Variants in FHIT observed in about 807,000 individuals in gnomAD.
FHIT encodes the protein bis(5'-adenosyl)-triphosphatase.
FHIT carries 19 observed loss-of-function variants against 17.9 expected under a neutral mutation model. The ratio of observed to expected loss-of-function variants is 1.06; its 90% confidence interval spans 0.74 to 1.56. FHIT has a LOEUF of 1.56. Among genes scored for constraint, FHIT ranks in the 40% most tolerant of loss-of-function variants. FHIT has a pLI of 0.00. For missense variants in FHIT, 248 were observed against 189.2 expected (o/e 1.31, Z -1.82); for synonymous variants, 81 against 69.7 (o/e 1.16, Z -0.81).
intron 5 of FHIT, among the ~76,000 whole-genome samples, chr3:60,457,663 A>C (rs2032192138): frequency 6.6e-6 from 1 of 151,948 alleles, no homozygotes; most frequent in East Asian, 1.9e-4. Flanking sequence ...AATGGGAGAA[A>C]ATTTTTGCAA....
chr3:60,169,329 G>C (rs994137479), intron 5 of FHIT, among the ~76,000 whole-genome samples: 2 of 152,016 alleles, frequency 1.3e-5, no homozygotes, highest in East Asian at 3.9e-4. Flanking sequence ...TGGTTATTCC[G>C]GGCTCCACAA....
intron 2 of FHIT, among the ~76,000 whole-genome samples, chr3:61,149,691 A>C (rs1469293381): frequency 6.6e-6 from 1 of 151,712 alleles, no homozygotes; most frequent in Non-Finnish European, 1.5e-5. Context: ...CAGCCTCAGC[A>C]ACATAGTGAG....
chr3:60,960,481 G>T (rs1310679421), intron 3 of FHIT, among the ~76,000 whole-genome samples: 1 of 152,158 alleles, frequency 6.6e-6, no homozygotes, highest in Non-Finnish European at 1.5e-5. Context: ...GTGCAGGTTT[G>T]TTACATATGT....
intron 5 of FHIT, among the ~76,000 whole-genome samples, chr3:60,419,099 G>A (rs976249765): frequency 6.6e-6 from 1 of 152,168 alleles, no homozygotes; most frequent in Admixed American, 6.5e-5. Flanking sequence ...TTTGGAACAT[G>A]TGCCGTGCAG....
intron 5 of FHIT, among the ~76,000 whole-genome samples, chr3:60,289,409 G>A (rs527450581): frequency 6.6e-6 from 1 of 152,238 alleles, no homozygotes; most frequent in Admixed American, 6.5e-5. Context: ...TATAGCTCCA[G>A]AAAATATCCA....
intron 3 of FHIT, among the ~76,000 whole-genome samples, chr3:60,925,190 A>G (rs1707520831): frequency 6.6e-6 from 1 of 152,196 alleles, no homozygotes; most frequent in Non-Finnish European, 1.5e-5. Context: ...CAACATTCAA[A>G]TTCAGGAAAT....
chr3:60,575,954 G>A (rs1553657458), intron 4 of FHIT, among the ~76,000 whole-genome samples: 1 of 152,102 alleles, frequency 6.6e-6, no homozygotes, highest in African/African-American at 2.4e-5. Flanking sequence ...GATGACTGGT[G>A]GGAGATGTAG....
chr3:60,069,253 G>A (rs1218335179), intron 5 of FHIT, among the ~76,000 whole-genome samples: 2 of 150,712 alleles, frequency 1.3e-5, no homozygotes, highest in East Asian at 3.9e-4. Flanking sequence ...ATTGTAATTT[G>A]AACTACTTTT....
chr3:60,338,977 G>T (rs891961329), intron 5 of FHIT, among the ~76,000 whole-genome samples: 5 of 152,040 alleles, frequency 3.3e-5, no homozygotes, highest in African/African-American at 1.2e-4. Flanking sequence ...CTCCTTTACA[G>T]ACTTAGTGTA....
chr3:60,031,806 C>T (rs1701014350), intron 5 of FHIT, among the ~76,000 whole-genome samples: 1 of 152,046 alleles, frequency 6.6e-6, no homozygotes, highest in African/African-American at 2.4e-5. Context: ...AGGAAGGAAA[C>T]ACATGAACAT....
At chr3:60,491,588 A>C (rs1013926836) in intron 5 of FHIT, among the ~76,000 whole-genome samples, 1 of 152,222 alleles carries the variant, frequency 6.6e-6, no homozygotes. Flanking sequence ...ATCTGCATAC[A>C]AAATTTATGA....
At chr3:59,992,502 A>G (rs1165598985) in intron 7 of FHIT, among the ~76,000 whole-genome samples, 3 of 152,084 alleles carry the variant, frequency 2.0e-5, no homozygotes, top group African/African-American at 4.8e-5. Context: ...CCAACAACAC[A>G]TCAGGATTTT....
intron 5 of FHIT, among the ~76,000 whole-genome samples, chr3:60,018,727 C>T (rs1388383570): frequency 6.6e-6 from 1 of 152,150 alleles, no homozygotes; most frequent in African/African-American, 2.4e-5. Context: ...CCTGTAATCC[C>T]AGCACTTTGG....
In FHIT at chr3:60,719,932, T is replaced by A. The variant is rs185407037; in HGVS notation, c.-18+101987A>T. Among the ~76,000 whole-genome samples, 164 of 152,230 alleles carry A rather than the reference T, an allele frequency of 1.1e-3. 1 individual carries two copies. The highest frequency in any genetic ancestry group is 3.8e-3 in the African/African-American group (159 of 41,554). On this transcript the variant is annotated intron_variant, in intron 4 of 9. Coordinates refer to ENST00000492590, the MANE Select transcript of FHIT (RefSeq NM_002012.4). The stretch of plus-strand genomic sequence containing the variant: ...TGGCCACTCAACTCATTACAATGCA[T>A]CTCCTCTTGCTTCCTTCTATTCTGT...
intron 4 of FHIT, among the ~76,000 whole-genome samples, chr3:60,731,664 A>G (rs977733329): frequency 4.6e-5 from 7 of 152,116 alleles, no homozygotes; most frequent in African/African-American, 1.7e-4. Context: ...TTTGCCTCTT[A>G]GTGCACATAC....
intron 5 of FHIT, among the ~76,000 whole-genome samples, chr3:60,443,417 A>G (rs924679221): frequency 7.9e-5 from 12 of 152,128 alleles, no homozygotes; most frequent in Admixed American, 6.6e-5. Context: ...GTTTGTCATA[A>G]ACAGCTTTTA....
At position 60,308,022 on chromosome 3, in the gene FHIT, T is replaced by C. The variant is rs1482211411; in HGVS notation, c.103+228838A>G. On this transcript the variant is annotated intron_variant, in intron 5 of 9. Coordinates refer to ENST00000492590, the MANE Select transcript of FHIT (RefSeq NM_002012.4). ...CCTCATAATGTCATTTGGAGGTAAG[T>C]ACTATCAGCAACACTACTTCGCAGA... Among the ~76,000 whole-genome samples the C allele has an allele frequency of 5.9e-5, 9 of 152,266 alleles. No individual in the cohort carries two copies. In the South Asian group the frequency reaches 1.9e-3, roughly 32 times the overall value.
intron 4 of FHIT, among the ~76,000 whole-genome samples, chr3:60,680,538 T>C (rs1049038804): frequency 1.7e-4 from 25 of 145,976 alleles, no homozygotes; most frequent in African/African-American, 5.8e-4. Flanking sequence ...TCTTGGTTTT[T>C]AAAATCCAAA....
intron 5 of FHIT, among the ~76,000 whole-genome samples, chr3:60,120,003 T>TA (rs139483544): frequency 0.029 from 4,447 of 152,236 alleles, 220 homozygotes; most frequent in African/African-American, 0.1. Flanking sequence ...CTTCCCTGCT[T>TA]AAAAAATCAG....
Sources: gnomAD v4.1 joint callset for allele counts (sites outside exome capture counted in the v4.1 genomes callset) on GRCh38, gnomAD v4.1.1 for gene constraint, MANE v1.5 for transcripts, NCBI Gene and HGNC (gene_info 2026-07-23, HGNC 2026-07-21) for gene names.